Variants in SYPL1 observed in about 807,000 individuals in gnomAD.
The protein encoded by SYPL1 is synaptophysin like 1.
SYPL1 carries 6 observed loss-of-function variants against 23.7 expected under a neutral mutation model. The observed-to-expected ratio is 0.25, with a 90% CI of 0.14 to 0.50. The LOEUF is 0.50. Among genes scored for constraint, SYPL1 ranks in the 20% least tolerant of loss-of-function variants. The pLI, the probability that SYPL1 is intolerant of heterozygous loss-of-function variation, is 0.98. For missense variants in SYPL1, 253 were observed against 288.9 expected (o/e 0.88, Z 0.90); for synonymous variants, 102 against 104.5 (o/e 0.98, Z 0.15).
intron 1 of SYPL1, among the ~76,000 whole-genome samples, chr7:106,110,072 G>A (rs1461925709): frequency 2.6e-5 from 4 of 152,046 alleles, no homozygotes. Context: ...GGGCTTGAAT[G>A]GAATAAACAC....
At chr7:106,099,073 C>A (rs1372064019) in intron 2 of SYPL1, 85 bp downstream of exon 2, 1 of 1,524,726 alleles carries the variant, frequency 6.6e-7, no homozygotes, top group Admixed American at 2.1e-5. Context: ...TTCTACCCCC[C>A]ACAATCAATA....
Position 106,097,956 on chromosome 7 carries a change from C to A in SYPL1, c.195-59G>T. 1 of 1,413,080 alleles carries A rather than the reference C, an allele frequency of 7.1e-7. No individual in the cohort carries two copies. The highest frequency in any genetic ancestry group is 9.8e-7 in the Non-Finnish European group (1 of 1,024,334). 87.5% of individuals were successfully genotyped at this position (1,413,080 alleles called of 1,614,324 possible). On this transcript the variant is annotated intron_variant, in intron 2 of 4. Coordinates refer to ENST00000455385, the MANE Select transcript of SYPL1 (RefSeq NM_182715.4). The surrounding 1 kb of genome is among the most constrained non-coding windows in gnomAD (Gnocchi z 4.6). ...CCCAACAGAGACAGAAACATTTAAG[C>A]AAAACAATGAGTGACACTTCAAAAA... is the stretch of plus-strand genomic sequence containing the variant.
At position 106,100,964 on chromosome 7, in the gene SYPL1, G is replaced by T. The variant is rs561807768; in HGVS notation, c.70-1682C>A. On this transcript the variant is annotated intron_variant, in intron 1 of 4. Coordinates refer to ENST00000455385, the MANE Select transcript of SYPL1 (RefSeq NM_182715.4). This position sits in a 1 kb window ranked among gnomAD's most constrained non-coding sequence, Gnocchi z 5.1. ...TCTGTATACACAAACTGCTTTCCAT[G>T]CGATACCTTTAATGACACGGGATAA... 3.3e-5 allele frequency among the ~76,000 whole-genome samples: 5 copies of T among 152,158 alleles called. No homozygotes were observed. The highest frequency in any genetic ancestry group is 1.9e-4 in the East Asian group (1 of 5,188).
At chr7:106,098,419 T>C (rs1004014103) in intron 2 of SYPL1, among the ~76,000 whole-genome samples, 1 of 152,178 alleles carries the variant, frequency 6.6e-6, no homozygotes, top group Non-Finnish European at 1.5e-5. Flanking sequence ...GGATACAAGA[T>C]AGAGAGGCTT....
At chr7:106,105,811 C>A (rs1350829711) in intron 1 of SYPL1, among the ~76,000 whole-genome samples, 2 of 152,148 alleles carry the variant, frequency 1.3e-5, no homozygotes, top group African/African-American at 4.8e-5. Context: ...ACAGTGATAA[C>A]CTCATCTATT....
At chr7:106,102,954 A>G (rs555401534) in intron 1 of SYPL1, among the ~76,000 whole-genome samples, 2 of 152,338 alleles carry the variant, frequency 1.3e-5, no homozygotes, top group Admixed American at 1.3e-4. Flanking sequence ...AGAACCATAA[A>G]AGATTGTTAA....
intron 1 of SYPL1, among the ~76,000 whole-genome samples, chr7:106,101,167 C>T (rs1840289677): frequency 1.3e-5 from 2 of 152,152 alleles, no homozygotes; most frequent in Non-Finnish European, 2.9e-5. Flanking sequence ...TACTCTATTT[C>T]TGCTCTGTTC....
intron 1 of SYPL1, 166 bp downstream of exon 1, chr7:106,111,974 C>G: frequency 3.3e-6 from 3 of 913,548 alleles, no homozygotes; most frequent in African/African-American, 1.8e-5. Context: ...CCCGCGCGGC[C>G]CAGGCCGCGG....
At position 106,095,178 on chromosome 7, in the gene SYPL1, T is replaced by C. The variant is rs1328688693; in HGVS notation, c.403-2041A>G. On this transcript the variant is annotated intron_variant, in intron 3 of 4. Transcript: ENST00000455385. This position sits in a 1 kb window ranked among gnomAD's most constrained non-coding sequence, Gnocchi z 4.3. ...TTAACAAAAAAAAAAGTGCTATATTTACTTCAAAAGAGAATTGAAGTAGAT... is the reference window on the plus strand; with the variant it reads ...TTAACAAAAAAAAAAGTGCTATATTCACTTCAAAAGAGAATTGAAGTAGAT... Among the ~76,000 whole-genome samples, 1 of 152,198 alleles carries C rather than the reference T, an allele frequency of 6.6e-6. No individual in the cohort carries two copies. Among genetic ancestry groups the C allele is most frequent in the Middle Eastern group, 3.2e-3 (1 of 316 alleles).
At chr7:106,112,374 G>GGCA, upstream of SYPL1, 6 of 1,287,220 alleles carry the variant, frequency 4.7e-6, no homozygotes, top group Non-Finnish European at 4.9e-6. Context: ...GAGCGGCGGC[G>GGCA]GTTGAGCTGC....
chr7:106,099,907 G>A (rs1012714321), intron 1 of SYPL1, among the ~76,000 whole-genome samples: 3 of 152,048 alleles, frequency 2.0e-5, no homozygotes, highest in Non-Finnish European at 2.9e-5. Context: ...TGCAAACCTC[G>A]ACAAATGTGA....
chr7:106,099,312 A>AG, intron 1 of SYPL1, 30 bp from the exon 2 acceptor site: 4 of 1,589,754 alleles, frequency 2.5e-6, no homozygotes, highest in Non-Finnish European at 3.4e-6. Context: ...AAAAGACAAA[A>AG]GAAAAAAAAG....
At chr7:106,094,345 T>C (rs1028576396) in intron 3 of SYPL1, among the ~76,000 whole-genome samples, 1 of 152,184 alleles carries the variant, frequency 6.6e-6, no homozygotes, top group Admixed American at 6.5e-5. Flanking sequence ...AGTGATCTCT[T>C]AGGAGATATA....
chr7:106,093,546 ACCCCAATC>A (rs1201053417), intron 3 of SYPL1, among the ~76,000 whole-genome samples: 9 of 128,760 alleles, frequency 7.0e-5, no homozygotes, highest in Non-Finnish European at 1.1e-4. Context: ...TGTCTCTGGC[ACCCCAATC>A]CTAAAACTCC....
At chr7:106,105,198 C>T (rs751030356) in intron 1 of SYPL1, among the ~76,000 whole-genome samples, 9 of 152,120 alleles carry the variant, frequency 5.9e-5, no homozygotes, top group Non-Finnish European at 1.2e-4. Flanking sequence ...TTCTTCCAAA[C>T]ATCTTGCTTC....
chr7:106,101,462 C>CTG (rs1840315873), intron 1 of SYPL1, among the ~76,000 whole-genome samples: 1 of 69,416 alleles, frequency 1.4e-5, no homozygotes, highest in Admixed American at 1.5e-4. Context: ...CCCCCCCCCC[C>CTG]CCCCCACAAA....
In SYPL1 at chr7:106,104,107, G is replaced by A. The variant is rs1034571744; in HGVS notation, c.70-4825C>T. On this transcript the variant is annotated intron_variant, in intron 1 of 4. Transcript: ENST00000455385. The surrounding 1 kb of genome is among the most constrained non-coding windows in gnomAD (Gnocchi z 4.1). ...ATGCTTCTTCTTCTGGGAATGCCCTGTCTCTGATTAGCTCATCTTTTAAGG... is the reference window on the plus strand; with the variant it reads ...ATGCTTCTTCTTCTGGGAATGCCCTATCTCTGATTAGCTCATCTTTTAAGG... Among the ~76,000 whole-genome samples the A allele has an allele frequency of 6.6e-6, 1 of 152,166 alleles. No homozygotes were observed. The highest frequency in any genetic ancestry group is 2.4e-5 in the African/African-American group (1 of 41,426).
chr7:106,102,632 G>A (rs1007574465), intron 1 of SYPL1, among the ~76,000 whole-genome samples: 1 of 152,182 alleles, frequency 6.6e-6, no homozygotes, highest in African/African-American at 2.4e-5. Flanking sequence ...CCAACAGCTT[G>A]ACTGCAACCT....
chr7:106,102,277 G>T (rs1417438113), intron 1 of SYPL1, among the ~76,000 whole-genome samples: 2 of 152,066 alleles, frequency 1.3e-5, no homozygotes, highest in Non-Finnish European at 2.9e-5. Context: ...TGTATTTTCG[G>T]TAGAGACGGG....
Sources: allele counts gnomAD v4.1 joint callset (sites outside exome capture counted in the v4.1 genomes callset), GRCh38; gene constraint gnomAD v4.1.1; non-coding constraint Gnocchi (gnomAD v3.1); transcripts MANE v1.5; gene names NCBI Gene and HGNC (gene_info 2026-07-23, HGNC 2026-07-21).